ALDH3B2: variants seen among roughly 807,000 people sequenced by gnomAD.
ALDH3B2 encodes aldehyde dehydrogenase family 3 member B2.
A neutral mutation model predicts 36.7 loss-of-function variants in ALDH3B2; 45 were observed. That is an observed-to-expected ratio of 1.23 (90% CI 0.97 to 1.57). The LOEUF is 1.57. Among genes scored for constraint, ALDH3B2 ranks in the 40% most tolerant of loss-of-function variants. The probability of loss-of-function intolerance (pLI) is 0.00; values close to 1 mark genes in which losing one functional copy is unlikely to be tolerated. For missense variants in ALDH3B2, 464 were observed against 513.3 expected, an observed-to-expected ratio of 0.90 and a Z score of 0.93; for synonymous variants, 217 against 226.5, an observed-to-expected ratio of 0.96 and a Z score of 0.38.
chr11:67,664,397 T>A (rs1338405447), exon 8 of ALDH3B2: 1 of 1,614,084 alleles, frequency 6.2e-7, no homozygotes, highest in South Asian at 1.1e-5. Context: ...CACCCCCACC[T>A]GGCTGCTGTT....
exon 9 of ALDH3B2, chr11:67,663,739 C>T (rs368400737): frequency 4.4e-5 from 71 of 1,612,140 alleles, no homozygotes; most frequent in Middle Eastern, 1.6e-4. Context: ...GCTGCTGGTC[C>T]GCTCCAGCAT....
upstream of ALDH3B2, among the ~76,000 whole-genome samples, chr11:67,676,107 C>T (rs71457797): frequency 1.3e-3 from 203 of 152,036 alleles, no homozygotes; most frequent in African/African-American, 4.6e-3. Context: ...ATTAGCCAGG[C>T]GTGGTGGCAT....
Position 67,663,750 on chromosome 11 carries a change from C to A in ALDH3B2, c.885G>T (p.Gln295His), listed in dbSNP as rs141299989. The A allele has an allele frequency of 2.2e-5, 35 of 1,611,812 alleles. No homozygotes were observed. In the African/African-American group the frequency reaches 4.5e-4, roughly 21 times the overall value. The change falls in exon 9 of 10, where the codon CAG becomes CAT. Residue 295 changes from glutamine (Q) to histidine (H), a missense_variant. Coordinates refer to ENST00000349015, the Ensembl canonical transcript of ALDH3B2. ...TGCCGCTGCTGGTCCGCTCCAGCAT[C>A]TGGTTCACAACCTGCCAGGGAGTGA...
upstream of ALDH3B2, among the ~76,000 whole-genome samples, chr11:67,679,509 G>T (rs574120582): frequency 2.0e-5 from 3 of 151,970 alleles, no homozygotes; most frequent in Non-Finnish European, 2.9e-5. Context: ...GCCAGGCACA[G>T]TGGCTCATGC....
chr11:67,676,710 T>G (rs1446746462), upstream of ALDH3B2, among the ~76,000 whole-genome samples: 1 of 151,970 alleles, frequency 6.6e-6, no homozygotes, highest in Non-Finnish European at 1.5e-5. Context: ...ATTTGCAAGA[T>G]TAACCAAGAA....
chr11:67,676,553 C>T (rs772716750), upstream of ALDH3B2, among the ~76,000 whole-genome samples: 1 of 151,284 alleles, frequency 6.6e-6, no homozygotes, highest in African/African-American at 2.4e-5. Context: ...AACAGAGGAA[C>T]GAGAACAATC....
At chr11:67,678,091 T>A (rs1264736543), upstream of ALDH3B2, among the ~76,000 whole-genome samples, 1 of 152,176 alleles carries the variant, frequency 6.6e-6, no homozygotes, top group African/African-American at 2.4e-5. Flanking sequence ...ACCACCATCT[T>A]TCTTCACAGA....
intron 9 of ALDH3B2, 53 bp downstream of exon 9, chr11:67,663,609 T>C: frequency 1.3e-6 from 2 of 1,544,350 alleles, no homozygotes; most frequent in Non-Finnish European, 1.8e-6. Context: ...ACTTCCTGGG[T>C]CTGGGGTACC....
chr11:67,678,636 C>CATATATATATATATATATATATATATAT (rs34057662), upstream of ALDH3B2, among the ~76,000 whole-genome samples: 1 of 146,670 alleles, frequency 6.8e-6, no homozygotes, highest in African/African-American at 2.5e-5. Flanking sequence ...TACTATGGTA[C>CATATATATATATATATATATATATATAT]ATATATATAT....
At chr11:67,677,498 T>C (rs374667264), upstream of ALDH3B2, among the ~76,000 whole-genome samples, 103 of 152,188 alleles carry the variant, frequency 6.8e-4, no homozygotes, top group South Asian at 0.02. Context: ...GCCAACATAA[T>C]ACTGAACGGG....
At chr11:67,669,553 GGTGTCTGT>G (rs1284832995) in intron 1 of ALDH3B2, among the ~76,000 whole-genome samples, 142 of 126,010 alleles carry the variant, frequency 1.1e-3, no homozygotes, top group East Asian at 5.0e-3. Flanking sequence ...TGTGTCTATG[GGTGTCTGT>G]GTGTCTGTGT....
chr11:67,664,507 G>A (rs751878096), exon 8 of ALDH3B2: 1 of 1,614,042 alleles, frequency 6.2e-7, no homozygotes, highest in Non-Finnish European at 8.5e-7. Flanking sequence ...TGGGCCCGAA[G>A]ATCTCCTCCT....
At position 67,665,541 on chromosome 11, in the gene ALDH3B2, G is replaced by A. The variant is rs142189245; in HGVS notation, c.450C>T (p.Arg150=). 1,176 of 1,614,090 alleles carry A rather than the reference G, an allele frequency of 7.3e-4. 3 individuals are homozygous for A. The highest frequency in any genetic ancestry group is 3.1e-3 in the Admixed American group (186 of 60,008). Residue 150 remains arginine (R), a synonymous_variant, in exon 7 of 10, where the codon CGC becomes CGT. Coordinates refer to ENST00000349015, the Ensembl canonical transcript of ALDH3B2. ...CATTGAAGTAGCAGAACCAGGCCAC[G>A]CGGTTGGCCACGGTCTGGGGGTCGC...
In ALDH3B2 at chr11:67,666,420, A is replaced by T; in HGVS notation, c.152-19T>A. The T allele has an allele frequency of 1.9e-6, 3 of 1,607,984 alleles. No homozygotes were observed. The highest frequency in any genetic ancestry group is 2.5e-6 in the Non-Finnish European group (3 of 1,177,252). On this transcript the variant is annotated intron_variant, in intron 4 of 9. Transcript: ENST00000349015. The stretch of plus-strand genomic sequence containing the variant: ...CAACTCCCTGCAGGGGCAGATGGGG[A>T]CGTCGTTGGGGGAGCCCAGGGTCCC...
exon 3 of ALDH3B2, chr11:67,666,958 G>A (rs745718592): frequency 1.9e-6 from 3 of 1,614,138 alleles, no homozygotes; most frequent in South Asian, 1.1e-5. Context: ...GTTCTTGAGA[G>A]CGTAGTCAAC....
chr11:67,665,821 A>ATGTGGTCAAGG, intron 6 of ALDH3B2, 150 bp from the exon 7 acceptor site: 1 of 1,265,918 alleles, frequency 7.9e-7, no homozygotes, highest in Non-Finnish European at 1.1e-6. Context: ...ACTGGCCTTG[A>ATGTGGTCAAGG]CCACACACTC....
At chr11:67,663,029 G>A (rs376098067) in exon 10 of ALDH3B2, 36 of 738,712 alleles carry the variant, frequency 4.9e-5, no homozygotes, top group Middle Eastern at 3.8e-4. Context: ...CTCGAGCAGC[G>A]TCCCCCAGAT....
At chr11:67,677,529 G>A (rs558487314), upstream of ALDH3B2, among the ~76,000 whole-genome samples, 5 of 152,166 alleles carry the variant, frequency 3.3e-5, no homozygotes, top group East Asian at 1.9e-4. Context: ...AAGGCTTCCC[G>A]CAGAGAACCG....
exon 3 of ALDH3B2, chr11:67,666,927 A>G: frequency 6.2e-7 from 1 of 1,614,178 alleles, no homozygotes; most frequent in Non-Finnish European, 8.5e-7. Context: ...ACCGTGGTTC[A>G]TCCTTCATCC....
Sources: allele counts gnomAD v4.1 joint callset (sites outside exome capture counted in the v4.1 genomes callset), GRCh38; gene constraint gnomAD v4.1.1; transcripts MANE v1.5; gene names NCBI Gene and HGNC (gene_info 2026-07-23, HGNC 2026-07-21).